The following CDH13 variants were observed in gnomAD, a reference collection of about 807,000 sequenced individuals.
CDH13 encodes cadherin-13.
CDH13 carries 24 observed loss-of-function variants against 63.8 expected under a neutral mutation model. The observed-to-expected ratio is 0.38, with a 90% CI of 0.27 to 0.53. The LOEUF is 0.53. CDH13 is among the 20% of genes least tolerant of loss of function. The probability of loss-of-function intolerance (pLI) is 0.85; values close to 1 mark genes in which losing one functional copy is unlikely to be tolerated. For missense variants in CDH13, 1,049 were observed against 903.1 expected, an observed-to-expected ratio of 1.16 and a Z score of -2.07; for synonymous variants, 503 against 355.3, an observed-to-expected ratio of 1.42 and a Z score of -4.67.
At chr16:82,824,244 C>T (rs545143184) in intron 1 of CDH13, 7 of 151,382 alleles carry the variant, frequency 4.6e-5, no homozygotes, top group Non-Finnish European at 1.0e-4. Flanking sequence ...TAGGGGAAAA[C>T]AAAATTATTT....
intron 1 of CDH13, among the ~76,000 whole-genome samples, chr16:82,782,550 TCAAA>T (rs1353956200): frequency 8.7e-5 from 7 of 80,042 alleles, no homozygotes; most frequent in African/African-American, 2.3e-4. Context: ...AGACTCCATC[TCAAA>T]AAAAAAAAAA....
At chr16:83,489,010 A>C (rs1428101516) in intron 7 of CDH13, among the ~76,000 whole-genome samples, 3 of 152,144 alleles carry the variant, frequency 2.0e-5, no homozygotes, top group African/African-American at 7.2e-5. Flanking sequence ...CCCACTTGAC[A>C]CGTGTGTGCA....
At chr16:82,705,905 T>TTAAATACAACAGATG (rs2031448915) in intron 1 of CDH13, among the ~76,000 whole-genome samples, 1 of 152,170 alleles carries the variant, frequency 6.6e-6, no homozygotes, top group South Asian at 2.1e-4. Flanking sequence ...ATCTGGCATA[T>TTAAATACAACAGATG]TATTTAATAC....
At chr16:83,072,928 A>G (rs2032545355) in intron 3 of CDH13, among the ~76,000 whole-genome samples, 1 of 152,218 alleles carries the variant, frequency 6.6e-6, no homozygotes, top group Non-Finnish European at 1.5e-5. Context: ...TTAAATATAC[A>G]TTAGAATGAA....
chr16:82,964,092 G>A (rs1035716769), intron 2 of CDH13, among the ~76,000 whole-genome samples: 1 of 152,096 alleles, frequency 6.6e-6, no homozygotes, highest in Non-Finnish European at 1.5e-5. Flanking sequence ...ACCCTCAGAC[G>A]CTGGAACAGG....
chr16:83,722,862 T>A (rs111827010), intron 10 of CDH13, among the ~76,000 whole-genome samples: 2 of 152,216 alleles, frequency 1.3e-5, no homozygotes, highest in African/African-American at 4.8e-5. Flanking sequence ...TCCCAGTCTT[T>A]ATCAGCAGCC....
intron 1 of CDH13, among the ~76,000 whole-genome samples, chr16:82,723,766 T>C (rs62034473): frequency 0.02 from 3,068 of 152,304 alleles, 75 homozygotes; most frequent in Middle Eastern, 0.078. Flanking sequence ...CTTTAGAATA[T>C]AGAATTTAGC....
intron 5 of CDH13, among the ~76,000 whole-genome samples, chr16:83,258,460 G>C (rs538269455): frequency 1.3e-5 from 2 of 152,320 alleles, no homozygotes; most frequent in African/African-American, 4.8e-5. Flanking sequence ...AGATATGCCA[G>C]TAAAACCCGA....
At chr16:82,906,333 C>A (rs2041647275) in intron 2 of CDH13, among the ~76,000 whole-genome samples, 1 of 152,136 alleles carries the variant, frequency 6.6e-6, no homozygotes, top group Non-Finnish European at 1.5e-5. Context: ...ACATGATTGG[C>A]CCTTAGTCCC....
At chr16:83,162,745 T>C (rs1010208076) in intron 4 of CDH13, among the ~76,000 whole-genome samples, 2 of 152,092 alleles carry the variant, frequency 1.3e-5, no homozygotes, top group Non-Finnish European at 2.9e-5. Flanking sequence ...TGTGATTCAA[T>C]AGGCCTGAGA....
chr16:82,910,358 T>C (rs530078580), intron 2 of CDH13, among the ~76,000 whole-genome samples: 1 of 152,234 alleles, frequency 6.6e-6, no homozygotes, highest in Non-Finnish European at 1.5e-5. Flanking sequence ...TGAATGTCTA[T>C]TGAAAAGTTA....
chr16:82,820,820 A>G (rs1157482395), intron 1 of CDH13, among the ~76,000 whole-genome samples: 1 of 152,228 alleles, frequency 6.6e-6, no homozygotes, highest in East Asian at 1.9e-4. Context: ...GAAGGTAAAT[A>G]TTCCATTTTC....
At chr16:82,681,070 G>A (rs1005024350) in intron 1 of CDH13, among the ~76,000 whole-genome samples, 2 of 152,202 alleles carry the variant, frequency 1.3e-5, no homozygotes, top group Non-Finnish European at 2.9e-5. Context: ...GCATGGCAAA[G>A]GGGCTTGCCC....
At chr16:83,116,042 A>G (rs1369147939) in intron 3 of CDH13, among the ~76,000 whole-genome samples, 1 of 152,198 alleles carries the variant, frequency 6.6e-6, no homozygotes, top group African/African-American at 2.4e-5. Context: ...CACTTCCTTC[A>G]GTTGGCTGTT....
At chr16:82,924,615 T>G (rs897188650) in intron 2 of CDH13, among the ~76,000 whole-genome samples, 7 of 152,132 alleles carry the variant, frequency 4.6e-5, no homozygotes, top group South Asian at 2.1e-4. Flanking sequence ...TCCACCTAAT[T>G]TTAGAGCTTT....
At chr16:82,907,314 C>T (rs547518203) in intron 2 of CDH13, among the ~76,000 whole-genome samples, 1 of 152,100 alleles carries the variant, frequency 6.6e-6, no homozygotes, top group East Asian at 1.9e-4. Context: ...CTCTTTACCC[C>T]TCACTAGGCT....
Position 83,216,413 on chromosome 16 carries a change from T to TAA in CDH13, c.484-931_484-930insAA, listed in dbSNP as rs1567513869. On this transcript the variant is annotated intron_variant, in intron 4 of 13. Coordinates refer to ENST00000567109, the MANE Select transcript of CDH13 (RefSeq NM_001257.5). ...CAGCATTGAAATATATATATATATA[T>TAA]ATATATATATATATATATATATATA... Among the ~76,000 whole-genome samples the TAA allele has an allele frequency of 5.0e-4, 42 of 83,188 alleles. 3 individuals are homozygous for TAA. The highest frequency in any genetic ancestry group is 1.8e-3 in the African/African-American group (41 of 23,002). The allele number at this position is 83,188 out of a possible 152,430, so 54.6% of individuals were successfully genotyped here.
chr16:83,176,320 G>A lies in CDH13; in HGVS notation c.484-41025G>A, dbSNP rs866757934. On this transcript the variant is annotated intron_variant, in intron 4 of 13. Transcript: ENST00000567109. The stretch of plus-strand genomic sequence containing the variant: ...AGGTCAGGAGTTCGAGACCAGCCTG[G>A]GCAACATGGTGAAACCCTGTCTCTT... 4.7e-4 allele frequency among the ~76,000 whole-genome samples: 72 copies of A among 151,778 alleles called. No homozygotes were observed. The Middle Eastern group carries it at 0.021, about 43-fold the overall frequency.
At chr16:82,636,950 CT>C (rs1567576743) in intron 1 of CDH13, among the ~76,000 whole-genome samples, 1 of 152,168 alleles carries the variant, frequency 6.6e-6, no homozygotes, top group Non-Finnish European at 1.5e-5. Context: ...AGCTCACCCC[CT>C]CACTCGTGGT....
Sources: gnomAD v4.1 joint callset for allele counts (sites outside exome capture counted in the v4.1 genomes callset) on GRCh38, gnomAD v4.1.1 for gene constraint, MANE v1.5 for transcripts, NCBI Gene and HGNC (gene_info 2026-07-23, HGNC 2026-07-21) for gene names.